The following C12orf56 variants were observed in gnomAD, a reference collection of about 807,000 sequenced individuals.
The protein encoded by C12orf56 is uncharacterized protein C12orf56.
C12orf56 carries 71 observed loss-of-function variants against 69.9 expected under a neutral mutation model. The ratio of observed to expected loss-of-function variants is 1.02; its 90% CI spans 0.84 to 1.24. C12orf56 has a LOEUF of 1.24. C12orf56 is among the 50% of genes most tolerant of loss of function. C12orf56 has a pLI of 0.00. For synonymous variants in C12orf56, 276 were observed against 274.1 expected, an observed-to-expected ratio of 1.01 and a Z score of -0.07; for missense variants, 732 against 738.5, an observed-to-expected ratio of 0.99 and a Z score of 0.10.
Position 64,266,550 on chromosome 12 carries a change from C to T in C12orf56, c.*633G>A, listed in dbSNP as rs986727155. The T allele has an allele frequency of 4.3e-5, 13 of 302,056 alleles. No individual in the cohort carries two copies. The highest frequency in any genetic ancestry group is 2.3e-4 in the Admixed American group (6 of 25,704). 18.7% of individuals were successfully genotyped at this position (302,056 alleles called of 1,614,324 possible). A position where few individuals can be genotyped will look rare whatever the true frequency, so the allele number is the denominator to read the frequency against. On this transcript the variant is annotated 3_prime_UTR_variant, in exon 13 of 13. Transcript: ENST00000543942. The stretch of plus-strand genomic sequence containing the variant: ...TGTAATTCCAGAAGTGGCGTGGATG[C>T]GCCAGGCCCTGCTGGTGGTGGACAT...
At chr12:64,280,706 G>A (rs1347871526) in intron 8 of C12orf56, among the ~76,000 whole-genome samples, 2 of 152,158 alleles carry the variant, frequency 1.3e-5, no homozygotes, top group African/African-American at 2.4e-5. Flanking sequence ...CCGAAAAAGA[G>A]ATACTCTCCT....
intron 3 of C12orf56, among the ~76,000 whole-genome samples, chr12:64,319,559 C>T (rs2038742741): frequency 6.6e-6 from 1 of 152,126 alleles, no homozygotes; most frequent in Non-Finnish European, 1.5e-5. Flanking sequence ...CTATGCCCAG[C>T]TAATTTTTGT....
chr12:64,363,890 A>G (rs962197905), intron 1 of C12orf56, among the ~76,000 whole-genome samples: 1 of 152,182 alleles, frequency 6.6e-6, no homozygotes, highest in African/African-American at 2.4e-5. Flanking sequence ...GTAACATTTC[A>G]TCTATCAAAG....
intron 1 of C12orf56, among the ~76,000 whole-genome samples, chr12:64,377,913 C>T (rs1299072649): frequency 6.6e-6 from 1 of 152,186 alleles, no homozygotes; most frequent in African/African-American, 2.4e-5. Flanking sequence ...GAGATTAGAG[C>T]ACTGACTCTG....
At chr12:64,372,806 T>C (rs901849608) in intron 1 of C12orf56, among the ~76,000 whole-genome samples, 4 of 152,146 alleles carry the variant, frequency 2.6e-5, no homozygotes, top group Non-Finnish European at 1.5e-5. Context: ...TGAGCCACCA[T>C]GCCTGGCCAG....
chr12:64,324,199 T>C (rs141546385), intron 3 of C12orf56, among the ~76,000 whole-genome samples: 58 of 152,306 alleles, frequency 3.8e-4, no homozygotes, highest in Non-Finnish European at 6.0e-4. Flanking sequence ...ATTCAACAAA[T>C]ATTAAGCACC....
chr12:64,388,601 G>A (rs1404600889), intron 1 of C12orf56, among the ~76,000 whole-genome samples: 3 of 152,210 alleles, frequency 2.0e-5, no homozygotes, highest in African/African-American at 4.8e-5. Flanking sequence ...TTTAGTTCAA[G>A]GCCAGGTGCT....
intron 2 of C12orf56, among the ~76,000 whole-genome samples, chr12:64,340,459 A>C (rs2039060441): frequency 6.6e-6 from 1 of 152,200 alleles, no homozygotes. Context: ...CTGAGATCAT[A>C]CATAACCTTC....
chr12:64,321,570 G>A (rs554971246), intron 3 of C12orf56, among the ~76,000 whole-genome samples: 16 of 152,300 alleles, frequency 1.1e-4, no homozygotes, highest in Admixed American at 2.0e-4. Context: ...CTGGGTTCAA[G>A]CAATCCACCT....
chr12:64,358,482 A>AATAATAATAATAATCATC (rs11275269), intron 1 of C12orf56, among the ~76,000 whole-genome samples: 1 of 125,944 alleles, frequency 7.9e-6, no homozygotes, highest in Non-Finnish European at 1.6e-5. Context: ...TAATAATAAT[A>AATAATAATAATAATCATC]ATCATCATCA....
intron 3 of C12orf56, among the ~76,000 whole-genome samples, chr12:64,322,783 C>G (rs1421815043): frequency 6.6e-6 from 1 of 152,136 alleles, no homozygotes; most frequent in East Asian, 1.9e-4. Context: ...TCTATCCCAC[C>G]CTGCCTTTTG....
At chr12:64,344,728 T>C (rs978380787) in intron 2 of C12orf56, among the ~76,000 whole-genome samples, 3 of 152,132 alleles carry the variant, frequency 2.0e-5, no homozygotes, top group African/African-American at 7.2e-5. Context: ...CACAAGGCAT[T>C]GGTCAAGGGT....
At chr12:64,317,204 G>C (rs941279438) in intron 4 of C12orf56, among the ~76,000 whole-genome samples, 5 of 151,996 alleles carry the variant, frequency 3.3e-5, no homozygotes, top group African/African-American at 1.2e-4. Flanking sequence ...AAAAAATTAA[G>C]GGTTGTCCTG....
intron 4 of C12orf56, among the ~76,000 whole-genome samples, chr12:64,313,104 CA>C (rs201366381): frequency 7.2e-4 from 108 of 150,594 alleles, no homozygotes; most frequent in African/African-American, 2.3e-3. Context: ...ACTAAAAATA[CA>C]AAAAAAATTA....
intron 6 of C12orf56, among the ~76,000 whole-genome samples, chr12:64,295,895 T>C (rs200508102): frequency 6.6e-6 from 1 of 152,032 alleles, no homozygotes; most frequent in Admixed American, 6.6e-5. Context: ...TATATGTGTA[T>C]AATTTTCCAT....
At chr12:64,303,365 T>G (rs2136804707) in intron 6 of C12orf56, among the ~76,000 whole-genome samples, 1 of 149,554 alleles carries the variant, frequency 6.7e-6, no homozygotes, top group South Asian at 2.2e-4. Flanking sequence ...CCTCCTAACA[T>G]CTCTCCGTTG....
chr12:64,296,303 G>C (rs960880033), intron 6 of C12orf56, among the ~76,000 whole-genome samples: 1 of 152,226 alleles, frequency 6.6e-6, no homozygotes, highest in East Asian at 1.9e-4. Flanking sequence ...AAACTTCTTA[G>C]ACATTTCTTA....
In C12orf56 at chr12:64,348,499, T is replaced by G. The variant is rs79261882; in HGVS notation, c.415+4395A>C. 5.4e-3 allele frequency among the ~76,000 whole-genome samples: 828 copies of G among 152,328 alleles called. 22 individuals are homozygous for G. The highest frequency in any genetic ancestry group is 0.037 in the Admixed American group (568 of 15,302). Reference sequence around the variant, plus strand: ...TTCTATTTCATAACATCAAGTGCTTTAACACTCTAACATATTTAACAGTCT... The same window carrying G: ...TTCTATTTCATAACATCAAGTGCTTGAACACTCTAACATATTTAACAGTCT... On this transcript the variant is annotated intron_variant, in intron 2 of 12. Coordinates refer to ENST00000543942, the MANE Select transcript of C12orf56 (RefSeq NM_001170633.2).
chr12:64,318,829 C>T lies in C12orf56; in HGVS notation c.640G>A (p.Ala214Thr). 1 of 1,537,180 alleles carries T rather than the reference C, an allele frequency of 6.5e-7. No individual in the cohort carries two copies. Among genetic ancestry groups the T allele is most frequent in the Middle Eastern group, 1.7e-4 (1 of 5,990 alleles). Residue 214 changes from alanine to threonine, a missense_variant, in exon 4 of 13, where the codon GCT (alanine) becomes ACT (threonine). By Grantham distance (58) the Ala-to-Thr change is moderately conservative. Transcript: ENST00000543942. ...SSQSAPTTGK[A>T]VSEPSCTTNT... ...GTTGTGCAAGATGGCTCGCTGACAG[C>T]CTTGCCAGTTGTTGGTGCAGACTGA...
Sources: allele counts gnomAD v4.1 joint callset (sites outside exome capture counted in the v4.1 genomes callset), GRCh38; gene constraint gnomAD v4.1.1; transcripts MANE v1.5; gene names NCBI Gene and HGNC (gene_info 2026-07-23, HGNC 2026-07-21).